GPHN: variants seen among roughly 807,000 people sequenced by gnomAD.
GPHN encodes the protein gephyrin.
A neutral mutation model predicts 95.5 loss-of-function variants in GPHN; 17 were observed. That is an observed-to-expected ratio of 0.18 (90% confidence interval 0.12 to 0.27). The LOEUF (loss-of-function observed/expected upper bound fraction) is 0.27, where lower values mean the gene tolerates loss of function less well. Ranked by LOEUF, GPHN falls within the 10% of genes least tolerant of loss-of-function variation. The pLI, the probability that GPHN is intolerant of heterozygous loss-of-function variation, is 1.00. For missense variants in GPHN, 660 were observed against 978.1 expected (o/e 0.67, Z 4.34); for synonymous variants, 320 against 322.5 (o/e 0.99, Z 0.08).
chr14:67,335,137 G>C, the GPHN span: 1 of 152,174 alleles, frequency 6.6e-6, no homozygotes, highest in South Asian at 2.1e-4. Context: ...AATATTTCAA[G>C]GTCAGTGAAG....
At chr14:67,036,540 C>CACACACACAG (rs946760546) in intron 10 of GPHN, among the ~76,000 whole-genome samples, 7 of 148,222 alleles carry the variant, frequency 4.7e-5, no homozygotes, top group African/African-American at 1.7e-4. Flanking sequence ...CACACACACA[C>CACACACACAG]AGAGAAACAC....
the GPHN span, among the ~76,000 whole-genome samples, chr14:67,610,548 T>TG: frequency 2.0e-5 from 3 of 152,184 alleles, no homozygotes; most frequent in African/African-American, 7.2e-5. Context: ...AGTCATGTAA[T>TG]GGGGGTCTCA....
At chr14:67,572,214 A>G in the GPHN span, 1 of 1,609,394 alleles carries the variant, frequency 6.2e-7, no homozygotes. Context: ...GTGACTACTC[A>G]GAGCCTGAGC....
the GPHN span, among the ~76,000 whole-genome samples, chr14:67,519,108 G>A: frequency 6.6e-6 from 1 of 152,156 alleles, no homozygotes; most frequent in Non-Finnish European, 1.5e-5. Context: ...AAGGTAATAT[G>A]CCAGCATTTG....
the GPHN span, among the ~76,000 whole-genome samples, chr14:67,355,449 CAAAAAA>C: frequency 0.056 from 1,049 of 18,804 alleles, 1 homozygote; most frequent in Middle Eastern, 0.1. Context: ...GACCCTGTCT[CAAAAAA>C]AAAAAAAAAA....
chr14:66,961,714 A>AT (rs1567155088), intron 8 of GPHN, among the ~76,000 whole-genome samples: 1 of 151,334 alleles, frequency 6.6e-6, no homozygotes, highest in Non-Finnish European at 1.5e-5. Context: ...ATAATGCAAT[A>AT]TTGTTACACA....
chr14:66,621,604 T>C (rs1292224122), intron 1 of GPHN, among the ~76,000 whole-genome samples: 1 of 150,582 alleles, frequency 6.6e-6, no homozygotes, highest in Non-Finnish European at 1.5e-5. Context: ...TTTTGTATTT[T>C]AGTAGAGACG....
At chr14:67,717,619 A>G in the GPHN span, among the ~76,000 whole-genome samples, 46 of 152,378 alleles carry the variant, frequency 3.0e-4, 1 homozygote, top group African/African-American at 1.1e-3. Context: ...ATTTTGCCCC[A>G]TAGTGAACAG....
intron 9 of GPHN, 138 bp downstream of exon 9, chr14:66,965,463 T>G: frequency 3.7e-6 from 3 of 817,782 alleles, no homozygotes; most frequent in Non-Finnish European, 4.1e-6. Flanking sequence ...GTAAGATAGT[T>G]CCCACCCATT....
At chr14:66,942,526 G>A (rs1480420328) in intron 8 of GPHN, among the ~76,000 whole-genome samples, 1 of 152,114 alleles carries the variant, frequency 6.6e-6, no homozygotes, top group African/African-American at 2.4e-5. Context: ...AATGTCCAGG[G>A]TAGTTACAGT....
the GPHN span, among the ~76,000 whole-genome samples, chr14:67,564,997 C>A: frequency 3.9e-5 from 6 of 152,082 alleles, no homozygotes; most frequent in African/African-American, 1.2e-4. Context: ...GGCCCTGTAC[C>A]TGACATTTTC....
At chr14:67,678,459 TAAG>T in the GPHN span, 1 of 1,445,946 alleles carries the variant, frequency 6.9e-7, no homozygotes, top group Non-Finnish European at 9.7e-7. Flanking sequence ...AGCACAGTGT[TAAG>T]AATGAAGTCT....
intron 3 of GPHN, among the ~76,000 whole-genome samples, chr14:66,783,618 C>T (rs1479174004): frequency 6.6e-6 from 1 of 152,164 alleles, no homozygotes; most frequent in African/African-American, 2.4e-5. Flanking sequence ...AAGGCTAAGC[C>T]AGGTGAGGCT....
chr14:66,581,849 T>G (rs1376375848), intron 1 of GPHN, among the ~76,000 whole-genome samples: 1 of 151,934 alleles, frequency 6.6e-6, no homozygotes, highest in Non-Finnish European at 1.5e-5. Flanking sequence ...ATATAACAAT[T>G]GTAAATATAT....
intron 2 of GPHN, among the ~76,000 whole-genome samples, chr14:66,688,098 C>T (rs906740167): frequency 1.3e-5 from 2 of 152,076 alleles, no homozygotes; most frequent in Admixed American, 6.5e-5. Context: ...ATACGTATTA[C>T]ATACTGTATT....
chr14:67,678,845 A>C, the GPHN span, among the ~76,000 whole-genome samples: 2 of 152,232 alleles, frequency 1.3e-5, no homozygotes, highest in East Asian at 3.9e-4. Flanking sequence ...TAGTAAAAAA[A>C]AAAAAGAAAT....
chr14:67,235,056 T>G, the GPHN span, among the ~76,000 whole-genome samples: 1 of 151,616 alleles, frequency 6.6e-6, no homozygotes, highest in African/African-American at 2.4e-5. Context: ...CTAGGGAGGC[T>G]GAGGCAGGAG....
chr14:66,603,040 T>C (rs1278539400), intron 1 of GPHN, among the ~76,000 whole-genome samples: 1 of 151,888 alleles, frequency 6.6e-6, no homozygotes, highest in African/African-American at 2.4e-5. Flanking sequence ...AAGACTAAGA[T>C]AGGTGTCACT....
At chr14:67,528,875 T>G in the GPHN span, among the ~76,000 whole-genome samples, 1 of 152,184 alleles carries the variant, frequency 6.6e-6, no homozygotes, top group Non-Finnish European at 1.5e-5. Flanking sequence ...CCCACTGATC[T>G]GAATAGCTAG....
Sources: gnomAD v4.1 joint callset for allele counts (sites outside exome capture counted in the v4.1 genomes callset) on GRCh38, gnomAD v4.1.1 for gene constraint, MANE v1.5 for transcripts, NCBI Gene and HGNC (gene_info 2026-07-23, HGNC 2026-07-21) for gene names.